The following ATP2B2 variants were observed in gnomAD, a reference collection of about 807,000 sequenced individuals.
The protein encoded by ATP2B2 is ATPase plasma membrane Ca2+ transporting 2.
In ATP2B2, 15 loss-of-function variants were observed where a neutral mutation model predicts 120.0. The observed-to-expected ratio is 0.12, with a 90% CI of 0.08 to 0.19. ATP2B2 has a LOEUF of 0.19. ATP2B2 is among the 10% of genes least tolerant of loss of function. The pLI is 1.00. For synonymous variants in ATP2B2, 694 were observed against 700.3 expected (o/e 0.99, Z 0.14); for missense variants, 1,045 against 1,719.8 (o/e 0.61, Z 6.94).
At chr3:10,670,253 T>C (rs576769090) in intron 1 of ATP2B2, among the ~76,000 whole-genome samples, 9 of 152,286 alleles carry the variant, frequency 5.9e-5, no homozygotes, top group African/African-American at 2.2e-4. Flanking sequence ...TTTAAAAGGG[T>C]CATCGCCAGG....
In ATP2B2 at chr3:10,338,265, C is replaced by G; in HGVS notation, c.3331G>C (p.Glu1111Gln). 1.2e-6 allele frequency: 2 copies of G among 1,614,132 alleles called. No individual in the cohort carries two copies. The highest frequency in any genetic ancestry group is 1.7e-6 in the Non-Finnish European group (2 of 1,179,974). The change falls in exon 22 of 23, where the codon GAG (glutamate) becomes CAG (glutamine). Residue 1111 changes from glutamate (E) to glutamine (Q), a missense_variant. Glu to Gln is a conservative substitution (Grantham distance 29, BLOSUM62 2). Around this residue, in one of 11 missense-constraint regions of ATP2B2, gnomAD observed 211 missense variants for 385.1 expected, o/e 0.55. Coordinates refer to ENST00000360273, the MANE Select transcript of ATP2B2 (RefSeq NM_001001331.4). ...KEEIPEEELN[E>Q]DVEEIDHAER... ...GCGTGGTCGATCTCCTCCACGTCCT[C>G]GTTGAGCTCCTCCTCCGGGATCTCC...
At chr3:10,445,030 C>T (rs1044477812) in intron 2 of ATP2B2, among the ~76,000 whole-genome samples, 3 of 152,254 alleles carry the variant, frequency 2.0e-5, no homozygotes, top group Admixed American at 2.0e-4. Context: ...CTTTCCATGT[C>T]CTCTGATGGC....
At position 10,514,515 on chromosome 3, in the gene ATP2B2, G is replaced by T. The variant is rs1037047030; in HGVS notation, c.-320+19524C>A. On this transcript the variant is annotated intron_variant, in intron 3 of 21. Coordinates refer to the ATP2B2 transcript ENST00000646379. ...TTTATGTGGACTTGCGGCGCATCAGGGCTGGAGGTGCCGCTGCATTCCTGT... is the reference window on the plus strand; with the variant it reads ...TTTATGTGGACTTGCGGCGCATCAGTGCTGGAGGTGCCGCTGCATTCCTGT... 3.9e-5 allele frequency among the ~76,000 whole-genome samples: 6 copies of T among 152,310 alleles called. No individual in the cohort carries two copies. The South Asian group carries it at 1.2e-3, about 32-fold the overall frequency.
At chr3:10,372,111 G>A (rs1182818113) in intron 11 of ATP2B2, 60 bp from the exon 12 acceptor site, 2 of 1,611,380 alleles carry the variant, frequency 1.2e-6, no homozygotes, top group Non-Finnish European at 1.7e-6. Context: ...AGCATGGGGT[G>A]CCTGGAGGCA....
chr3:10,579,006 A>C (rs1348640320), intron 2 of ATP2B2, among the ~76,000 whole-genome samples: 1 of 152,180 alleles, frequency 6.6e-6, no homozygotes, highest in African/African-American at 2.4e-5. Flanking sequence ...AAACAGAGGT[A>C]AAAATTCACC....
intron 1 of ATP2B2, among the ~76,000 whole-genome samples, chr3:10,483,281 T>G (rs970527094): frequency 6.6e-6 from 1 of 152,232 alleles, no homozygotes; most frequent in Non-Finnish European, 1.5e-5. Flanking sequence ...GAGGAGTTAA[T>G]GACTGGCGTA....
At chr3:10,490,715 T>C (rs1317403367) in intron 1 of ATP2B2, among the ~76,000 whole-genome samples, 1 of 152,112 alleles carries the variant, frequency 6.6e-6, no homozygotes, top group Non-Finnish European at 1.5e-5. Flanking sequence ...AGCATTCTTA[T>C]CCAGAAAATC....
At chr3:10,673,861 G>A (rs1575611928) in intron 1 of ATP2B2, among the ~76,000 whole-genome samples, 4 of 130,716 alleles carry the variant, frequency 3.1e-5, no homozygotes, top group African/African-American at 8.5e-5. Flanking sequence ...AAGGAAGGAA[G>A]AGAAAGCAAG....
chr3:10,340,685 G>C lies in ATP2B2; in HGVS notation c.2937C>G (p.Ile979Met). The C allele has an allele frequency of 6.2e-7, 1 of 1,614,110 alleles. No individual in the cohort carries two copies. ...GCAGGGGCGCGTTCCTCCCGCTGTC[G>C]ATCTGGAACATCTTCTCGCCTGCCA... ...LLFVGEKMFQ[I>M]DSGRNAPLHS... Residue 979 changes from isoleucine to methionine, a missense_variant, in exon 20 of 23, where the codon ATC (isoleucine) becomes ATG (methionine). Transcript: ENST00000360273. The surrounding 1 kb of genome is among the most constrained non-coding windows in gnomAD (Gnocchi z 5.0).
intron 2 of ATP2B2, among the ~76,000 whole-genome samples, chr3:10,418,062 G>T (rs1002089845): frequency 2.0e-5 from 3 of 152,130 alleles, no homozygotes; most frequent in Admixed American, 2.0e-4. Flanking sequence ...CTCTAATGGA[G>T]ACTCTGGCTC....
At position 10,340,322 on chromosome 3, in the gene ATP2B2, G is replaced by A. The variant is rs1320953291; in HGVS notation, c.3157C>T (p.Pro1053Ser). 18 of 1,614,082 alleles carry A rather than the reference G, an allele frequency of 1.1e-5. No individual in the cohort carries two copies. The highest frequency in any genetic ancestry group is 1.3e-5 in the Non-Finnish European group (15 of 1,180,062). Residue 1053 changes from proline to serine, a missense_variant, in exon 21 of 23, where the codon CCA becomes TCA. Pro to Ser is a moderately conservative substitution (Grantham distance 74, BLOSUM62 -1). Coordinates refer to ENST00000360273, the MANE Select transcript of ATP2B2 (RefSeq NM_001001331.4). This position sits in a 1 kb window ranked among gnomAD's most constrained non-coding sequence, Gnocchi z 5.0. ...QIVIVQFGGK[P>S]FSCSPLQLDQ... ...AGCTGCAGTGGAGAGCAGCTGAATG[G>A]CTTCCCTCCAAACTGCACGATCACT...
At chr3:10,442,388 C>G (rs936747814) in intron 2 of ATP2B2, among the ~76,000 whole-genome samples, 5 of 152,234 alleles carry the variant, frequency 3.3e-5, no homozygotes, top group African/African-American at 1.2e-4. Context: ...CTTTATCTAT[C>G]TGTCCCGTGC....
intron 1 of ATP2B2, among the ~76,000 whole-genome samples, chr3:10,697,755 A>G (rs1438527358): frequency 6.6e-6 from 1 of 152,218 alleles, no homozygotes; most frequent in Non-Finnish European, 1.5e-5. Flanking sequence ...AAGTACCTAA[A>G]CCATCCCCTC....
chr3:10,570,767 C>T (rs980169175), intron 2 of ATP2B2, among the ~76,000 whole-genome samples: 1 of 152,202 alleles, frequency 6.6e-6, no homozygotes, highest in Non-Finnish European at 1.5e-5. Context: ...GAGGCAAAGG[C>T]TCCCTGCCCC....
In ATP2B2 at chr3:10,351,788, G is replaced by A. The variant is rs73811892; in HGVS notation, c.2137-1211C>T. Among the ~76,000 whole-genome samples the A allele has an allele frequency of 9.6e-3, 1,458 of 152,300 alleles. 21 individuals carry two copies. The highest frequency in any genetic ancestry group is 0.034 in the African/African-American group (1,397 of 41,552). ...CGACACAAAGATATGCAAAGGAGAT[G>A]CCATGCAGAAATCGGGGTGCTGCTT... On this transcript the variant is annotated intron_variant, in intron 14 of 22. Transcript: ENST00000360273.
At chr3:10,648,875 C>T (rs2070383787) in intron 1 of ATP2B2, among the ~76,000 whole-genome samples, 1 of 152,242 alleles carries the variant, frequency 6.6e-6, no homozygotes, top group African/African-American at 2.4e-5. Context: ...CTTCTCTGGG[C>T]CACAGCAGAA....
intron 1 of ATP2B2, among the ~76,000 whole-genome samples, chr3:10,686,472 G>A (rs1443821490): frequency 6.6e-6 from 1 of 152,124 alleles, no homozygotes; most frequent in Non-Finnish European, 1.5e-5. Context: ...GGCTAACACG[G>A]TGAAACCCCA....
At chr3:10,411,047 C>T (rs770634156) in intron 2 of ATP2B2, among the ~76,000 whole-genome samples, 29 of 152,262 alleles carry the variant, frequency 1.9e-4, no homozygotes, top group Middle Eastern at 3.4e-3. Flanking sequence ...TCATGATCCC[C>T]GGAACCTGTG....
At chr3:10,580,853 T>G (rs970917048) in intron 2 of ATP2B2, among the ~76,000 whole-genome samples, 1 of 152,272 alleles carries the variant, frequency 6.6e-6, no homozygotes. Context: ...TACAGTCATA[T>G]TCATTTGTGT....
Sources: allele counts gnomAD v4.1 joint callset (sites outside exome capture counted in the v4.1 genomes callset), GRCh38; gene constraint gnomAD v4.1.1; regional missense constraint gnomAD v4.1.1; non-coding constraint Gnocchi (gnomAD v3.1); transcripts MANE v1.5; gene names NCBI Gene and HGNC (gene_info 2026-07-23, HGNC 2026-07-21).